The following TMEM132C variants were observed in gnomAD, a reference collection of about 807,000 sequenced individuals.
The protein encoded by TMEM132C is protein phosphatase 1, regulatory subunit 152.
In TMEM132C, 29 loss-of-function variants were observed where a neutral mutation model predicts 61.4. That is an observed-to-expected ratio of 0.47 (90% CI 0.35 to 0.64). TMEM132C has a LOEUF of 0.64. TMEM132C is among the 30% of genes least tolerant of loss of function. TMEM132C has a pLI of 0.00. For missense variants in TMEM132C, 1,408 were observed against 1,476.9 expected, an observed-to-expected ratio of 0.95 and a Z score of 0.76; for synonymous variants, 656 against 633.1, an observed-to-expected ratio of 1.04 and a Z score of -0.54.
chr12:128,664,584 G>A (rs1954437764), intron 4 of TMEM132C, among the ~76,000 whole-genome samples: 1 of 152,182 alleles, frequency 6.6e-6, no homozygotes, highest in African/African-American at 2.4e-5. Context: ...TTGATAAGCG[G>A]TCTCTAACAC....
At chr12:128,663,278 T>TA (rs1954412040) in intron 4 of TMEM132C, among the ~76,000 whole-genome samples, 1 of 152,198 alleles carries the variant, frequency 6.6e-6, no homozygotes, top group Non-Finnish European at 1.5e-5. Context: ...TGACCACCAC[T>TA]AATGCCGTTC....
At chr12:128,530,480 G>A (rs1338319221) in intron 2 of TMEM132C, among the ~76,000 whole-genome samples, 1 of 149,922 alleles carries the variant, frequency 6.7e-6, no homozygotes, top group Non-Finnish European at 1.5e-5. Context: ...GTCTCACTCT[G>A]TTGCCCAGGC....
At chr12:128,489,515 G>A (rs574735031) in intron 2 of TMEM132C, among the ~76,000 whole-genome samples, 1 of 150,432 alleles carries the variant, frequency 6.6e-6, no homozygotes, top group East Asian at 2.0e-4. Context: ...CTACTTGTGA[G>A]ATTTAAAGGC....
At chr12:128,687,074 T>C (rs1263445519) in intron 5 of TMEM132C, among the ~76,000 whole-genome samples, 1 of 151,882 alleles carries the variant, frequency 6.6e-6, no homozygotes, top group Admixed American at 6.6e-5. Flanking sequence ...TGGTAGTGCA[T>C]GCCTGTAGTC....
intron 3 of TMEM132C, among the ~76,000 whole-genome samples, chr12:128,547,851 G>A (rs906525004): frequency 3.3e-5 from 5 of 152,178 alleles, no homozygotes; most frequent in Non-Finnish European, 1.5e-5. Context: ...ATTCCCATCT[G>A]TAGCTGTTTC....
chr12:128,575,605 G>C (rs1446677889), intron 3 of TMEM132C, among the ~76,000 whole-genome samples: 4 of 152,214 alleles, frequency 2.6e-5, no homozygotes, highest in African/African-American at 9.6e-5. Context: ...TACAGACCAT[G>C]AGATAAATTT....
intron 5 of TMEM132C, among the ~76,000 whole-genome samples, chr12:128,688,137 G>A (rs1351529319): frequency 6.6e-6 from 1 of 152,216 alleles, no homozygotes; most frequent in Non-Finnish European, 1.5e-5. Flanking sequence ...ACAGTTGCTG[G>A]ACAGTGGCCT....
intron 2 of TMEM132C, among the ~76,000 whole-genome samples, chr12:128,508,137 G>GT (rs1201389162): frequency 6.6e-6 from 1 of 152,226 alleles, no homozygotes; most frequent in Non-Finnish European, 1.5e-5. Flanking sequence ...TGGACTCACA[G>GT]TTCCACATGG....
intron 1 of TMEM132C, among the ~76,000 whole-genome samples, chr12:128,403,133 G>A (rs987065094): frequency 6.6e-6 from 1 of 152,168 alleles, no homozygotes; most frequent in African/African-American, 2.4e-5. Context: ...ATTTATCAAG[G>A]TGCCTTTTGT....
At chr12:128,521,690 C>G (rs912920130) in intron 2 of TMEM132C, among the ~76,000 whole-genome samples, 4 of 152,078 alleles carry the variant, frequency 2.6e-5, no homozygotes, top group African/African-American at 9.7e-5. Flanking sequence ...CTGAACTTGG[C>G]TAGATTTCCC....
chr12:128,491,931 A>C (rs1871744690), intron 2 of TMEM132C, among the ~76,000 whole-genome samples: 1 of 151,152 alleles, frequency 6.6e-6, no homozygotes, highest in Non-Finnish European at 1.5e-5. Flanking sequence ...TACATGTGCC[A>C]TGTTGGTATG....
intron 3 of TMEM132C, among the ~76,000 whole-genome samples, chr12:128,572,039 C>T (rs577255304): frequency 6.6e-6 from 1 of 152,014 alleles, no homozygotes; most frequent in South Asian, 2.1e-4. Flanking sequence ...ACCTGGGTCA[C>T]ATTCCTACTG....
At chr12:128,347,909 T>C (rs907368598) in intron 1 of TMEM132C, among the ~76,000 whole-genome samples, 11 of 152,374 alleles carry the variant, frequency 7.2e-5, no homozygotes, top group Non-Finnish European at 1.2e-4. Context: ...TATTCAAGAC[T>C]GTTTTGGCTA....
intron 2 of TMEM132C, among the ~76,000 whole-genome samples, chr12:128,463,199 C>T (rs1397573446): frequency 6.6e-6 from 1 of 152,200 alleles, no homozygotes. Context: ...TTATATATAA[C>T]CTACCGCAAT....
intron 2 of TMEM132C, among the ~76,000 whole-genome samples, chr12:128,450,287 A>G (rs1432563078): frequency 6.6e-6 from 1 of 152,190 alleles, no homozygotes; most frequent in African/African-American, 2.4e-5. Context: ...AGGGAACATT[A>G]AGAAGCCCTA....
chr12:128,310,204 G>C (rs866983525), intron 1 of TMEM132C, among the ~76,000 whole-genome samples: 2 of 152,210 alleles, frequency 1.3e-5, no homozygotes, highest in African/African-American at 4.8e-5. Flanking sequence ...TGAGAATAGT[G>C]ATGATAAACA....
intron 1 of TMEM132C, among the ~76,000 whole-genome samples, chr12:128,348,772 A>C (rs148254073): frequency 5.3e-4 from 81 of 152,294 alleles, no homozygotes; most frequent in African/African-American, 1.9e-3. Flanking sequence ...TTATTTCCTA[A>C]AAGTAAATCA....
At position 128,667,086 on chromosome 12, in the gene TMEM132C, CAGATAT is replaced by C. The variant is rs1219460212; in HGVS notation, c.1306-2325_1306-2320del. Among the ~76,000 whole-genome samples, 22 of 152,240 alleles carry C rather than the reference CAGATAT, an allele frequency of 1.4e-4. 1 individual carries two copies. Among genetic ancestry groups the C allele is most frequent in the South Asian group, 2.1e-4 (1 of 4,832 alleles). ...CTCCGTCTCAAAATATATATAGATACAGATATAGATAGAGATAGAGATAGAGATATA... is the reference window on the plus strand; with the variant it reads ...CTCCGTCTCAAAATATATATAGATACAGATAGAGATAGAGATAGAGATATA... On this transcript the variant is annotated intron_variant, in intron 4 of 8. Transcript: ENST00000435159.
intron 1 of TMEM132C, among the ~76,000 whole-genome samples, chr12:128,387,484 A>G (rs1049079356): frequency 6.6e-6 from 1 of 152,186 alleles, no homozygotes; most frequent in Admixed American, 6.5e-5. Context: ...CGGCAATTCT[A>G]AGGAACCAAA....
Sources: allele counts gnomAD v4.1 joint callset (sites outside exome capture counted in the v4.1 genomes callset), GRCh38; gene constraint gnomAD v4.1.1; transcripts MANE v1.5; gene names NCBI Gene and HGNC (gene_info 2026-07-23, HGNC 2026-07-21).